PRMT8: variants seen among roughly 807,000 people sequenced by gnomAD.
PRMT8 encodes the protein protein arginine N-methyltransferase 8.
PRMT8 carries 7 observed loss-of-function variants against 47.1 expected under a neutral mutation model. The observed-to-expected ratio is 0.15, with a 90% CI of 0.08 to 0.28. The LOEUF is 0.28. Ranked by LOEUF, PRMT8 falls within the 10% of genes least tolerant of loss-of-function variation. The probability of loss-of-function intolerance (pLI) is 1.00; values close to 1 mark genes in which losing one functional copy is unlikely to be tolerated. For synonymous variants in PRMT8, 188 were observed against 186.5 expected (o/e 1.01, Z -0.07); for missense variants, 237 against 505.4 (o/e 0.47, Z 5.09).
chr12:3,466,015 A>G (rs1055647184), intron 1 of PRMT8, among the ~76,000 whole-genome samples: 6 of 152,164 alleles, frequency 3.9e-5, no homozygotes, highest in African/African-American at 1.4e-4. Context: ...TCTTCCTAGG[A>G]GGAAGGGCAC....
intron 1 of PRMT8, among the ~76,000 whole-genome samples, chr12:3,416,876 A>T (rs1333820343): frequency 1.3e-5 from 2 of 152,194 alleles, no homozygotes; most frequent in African/African-American, 2.4e-5. Flanking sequence ...ATTTTCTCAG[A>T]TGTGGGGCAG....
chr12:3,390,747 G>C (rs1254300322), intron 1 of PRMT8, among the ~76,000 whole-genome samples: 1 of 152,178 alleles, frequency 6.6e-6, no homozygotes, highest in East Asian at 1.9e-4. Context: ...TTGGGCAGGA[G>C]TTCTAGCACT....
intron 8 of PRMT8, among the ~76,000 whole-genome samples, chr12:3,587,260 T>A (rs1867198899): frequency 6.7e-6 from 1 of 149,272 alleles, no homozygotes; most frequent in Non-Finnish European, 1.5e-5. Flanking sequence ...TATAAATTAA[T>A]TACTATTAAC....
At chr12:3,496,199 G>GATATATATAT (rs1555085720) in intron 1 of PRMT8, among the ~76,000 whole-genome samples, 830 of 31,276 alleles carry the variant, frequency 0.027, 117 homozygotes, top group East Asian at 0.13. Flanking sequence ...TTTGGAAACT[G>GATATATATAT]ATATATATAT....
intron 6 of PRMT8, chr12:3,574,032 G>A (rs1866895554): frequency 6.6e-6 from 1 of 152,186 alleles, no homozygotes; most frequent in African/African-American, 2.4e-5. Flanking sequence ...AATGATTGAA[G>A]GTGGGGCAGT....
In PRMT8 at chr12:3,440,111, A is replaced by G. The variant is rs116215571; in HGVS notation, c.48+58669A>G. Among the ~76,000 whole-genome samples, 912 of 152,334 alleles carry G rather than the reference A, an allele frequency of 6.0e-3. 9 individuals carry two copies. The highest frequency in any genetic ancestry group is 0.021 in the African/African-American group (870 of 41,580). ...CATGGGGGTCCCCACACAGACCATT[A>G]AGGTGCAAAATGAAGATATTAGACC... is the stretch of plus-strand genomic sequence containing the variant. On this transcript the variant is annotated intron_variant, in intron 1 of 9. Transcript: ENST00000452611.
At position 3,550,185 on chromosome 12, in the gene PRMT8, T is replaced by C. The variant is rs1052042509; in HGVS notation, c.417+94T>C. 6.6e-7 allele frequency: 1 copy of C among 1,523,296 alleles called. No homozygotes were observed. Among genetic ancestry groups the C allele is most frequent in the Admixed American group, 1.8e-5 (1 of 54,576 alleles). 94.4% of individuals were successfully genotyped at this position (1,523,296 alleles called of 1,614,324 possible). A position where few individuals can be genotyped will look rare whatever the true frequency, so the allele number is the denominator to read the frequency against. On this transcript the variant is annotated intron_variant, in intron 3 of 9. Coordinates refer to ENST00000382622, the MANE Select transcript of PRMT8 (RefSeq NM_019854.5). This position sits in a 1 kb window ranked among gnomAD's most constrained non-coding sequence, Gnocchi z 5.1. ...GCCCTTCTAGAAGTACAAAATTTGG[T>C]CCATCTCTTTTGCTGGGGTCACACC...
chr12:3,499,051 G>A (rs1416516265), intron 1 of PRMT8, among the ~76,000 whole-genome samples: 1 of 152,094 alleles, frequency 6.6e-6, no homozygotes, highest in African/African-American at 2.4e-5. Context: ...TTTCCTGTGT[G>A]TGTCTATACG....
At chr12:3,573,654 TGA>T (rs1388174805) in intron 6 of PRMT8, among the ~76,000 whole-genome samples, 1 of 152,236 alleles carries the variant, frequency 6.6e-6, no homozygotes, top group African/African-American at 2.4e-5. Context: ...AGGGTGTGTG[TGA>T]GTCAATCTAG....
At chr12:3,592,593 A>G (rs1171088583) in intron 9 of PRMT8, among the ~76,000 whole-genome samples, 1 of 152,064 alleles carries the variant, frequency 6.6e-6, no homozygotes, top group Non-Finnish European at 1.5e-5. Flanking sequence ...GGCTTTGAAG[A>G]CAGCTTCCAG....
rs1176731089 is a variant in PRMT8, at chr12:3,564,808, A to G, written c.482-3898A>G. On this transcript the variant is annotated intron_variant, in intron 4 of 9. Transcript: ENST00000382622. This position sits in a 1 kb window ranked among gnomAD's most constrained non-coding sequence, Gnocchi z 4.0. ...TTAGACCCCCTTGAAAATCCTTTGCATGGAGGAGAAGGGAAGACTGCTGCT... is the reference window on the plus strand; with the variant it reads ...TTAGACCCCCTTGAAAATCCTTTGCGTGGAGGAGAAGGGAAGACTGCTGCT... Among the ~76,000 whole-genome samples, 2 of 152,236 alleles carry G rather than the reference A, an allele frequency of 1.3e-5. No individual in the cohort carries two copies. The highest frequency in any genetic ancestry group is 2.4e-5 in the African/African-American group (1 of 41,464).
intron 1 of PRMT8, among the ~76,000 whole-genome samples, chr12:3,457,804 T>C (rs892593338): frequency 2.3e-4 from 35 of 151,932 alleles, no homozygotes; most frequent in Middle Eastern, 3.4e-3. Flanking sequence ...CATCTGGATT[T>C]GGACATGATT....
intron 4 of PRMT8, among the ~76,000 whole-genome samples, chr12:3,558,326 G>T (rs766564902): frequency 7.9e-5 from 12 of 151,720 alleles, no homozygotes; most frequent in Non-Finnish European, 1.8e-4. Flanking sequence ...GCACACAGCC[G>T]GGTTTTTATG....
At chr12:3,537,369 G>C (rs1866137604) in intron 1 of PRMT8, among the ~76,000 whole-genome samples, 1 of 152,032 alleles carries the variant, frequency 6.6e-6, no homozygotes, top group Non-Finnish European at 1.5e-5. Context: ...TTACATTGTG[G>C]GTGTTCATCT....
At chr12:3,392,873 G>A (rs1000720406) in intron 1 of PRMT8, among the ~76,000 whole-genome samples, 1 of 152,152 alleles carries the variant, frequency 6.6e-6, no homozygotes, top group African/African-American at 2.4e-5. Context: ...TCCAGCACTT[G>A]ATGTTTCCTG....
At chr12:3,404,011 C>T (rs1864348068) in intron 1 of PRMT8, among the ~76,000 whole-genome samples, 1 of 150,904 alleles carries the variant, frequency 6.6e-6, no homozygotes, top group Admixed American at 6.6e-5. Flanking sequence ...TATAGAAAAT[C>T]ACAGGAAATC....
intron 1 of PRMT8, among the ~76,000 whole-genome samples, chr12:3,444,798 A>G (rs2109190): frequency 0.56 from 84,857 of 152,206 alleles, 27,099 homozygotes; most frequent in East Asian, 0.84. Context: ...AGGGACGAAT[A>G]TGGAGGGCCA....
At chr12:3,558,731 A>C (rs1373090695) in intron 4 of PRMT8, among the ~76,000 whole-genome samples, 1 of 152,132 alleles carries the variant, frequency 6.6e-6, no homozygotes, top group Non-Finnish European at 1.5e-5. Flanking sequence ...TCTTGGGTAG[A>C]AATCTCACAG....
At position 3,436,057 on chromosome 12, in the gene PRMT8, C is replaced by G. The variant is rs1404964840; in HGVS notation, c.48+54615C>G. On this transcript the variant is annotated intron_variant, in intron 1 of 9. Coordinates refer to the PRMT8 transcript ENST00000452611. This position sits in a 1 kb window ranked among gnomAD's most constrained non-coding sequence, Gnocchi z 4.2. ...TGGTATGTGTTCAGGATGGAGAGTTCACACCTGTGGTGAGGTTGGGCAAAG... is the reference window on the plus strand; with the variant it reads ...TGGTATGTGTTCAGGATGGAGAGTTGACACCTGTGGTGAGGTTGGGCAAAG... 2.6e-5 allele frequency among the ~76,000 whole-genome samples: 4 copies of G among 152,068 alleles called. No homozygotes were observed. In the South Asian group the frequency reaches 8.3e-4, roughly 32 times the overall value.
Sources: gnomAD v4.1 joint callset for allele counts (sites outside exome capture counted in the v4.1 genomes callset) on GRCh38, gnomAD v4.1.1 for gene constraint, Gnocchi (gnomAD v3.1) non-coding constraint, MANE v1.5 for transcripts, NCBI Gene and HGNC (gene_info 2026-07-23, HGNC 2026-07-21) for gene names.